Variants in CAMK1D observed in about 807,000 individuals in gnomAD.
CAMK1D encodes the protein calcium/calmodulin-dependent protein kinase type 1D.
In CAMK1D, 9 loss-of-function variants were observed where a neutral mutation model predicts 47.7. The ratio of observed to expected loss-of-function variants is 0.19; its 90% CI spans 0.11 to 0.33. The LOEUF (loss-of-function observed/expected upper bound fraction) is 0.33, where lower values mean the gene tolerates loss of function less well. Ranked by LOEUF, CAMK1D falls within the 10% of genes least tolerant of loss-of-function variation. CAMK1D has a pLI of 1.00. For missense variants in CAMK1D, 291 were observed against 488.7 expected, an observed-to-expected ratio of 0.60 and a Z score of 3.81; for synonymous variants, 184 against 184.9, an observed-to-expected ratio of 0.99 and a Z score of 0.04.
chr10:12,499,876 A>T (rs1834649071), intron 1 of CAMK1D, among the ~76,000 whole-genome samples: 1 of 152,166 alleles, frequency 6.6e-6, no homozygotes. Context: ...AGGAGAGGGA[A>T]TGACAGGAAG....
At chr10:12,434,940 G>A (rs187102332) in intron 1 of CAMK1D, among the ~76,000 whole-genome samples, 567 of 152,210 alleles carry the variant, frequency 3.7e-3, no homozygotes, top group Non-Finnish European at 5.5e-3. Context: ...AGGGAAGGCT[G>A]GGCGCAGTGG....
chr10:12,594,345 A>T (rs1320296398), intron 2 of CAMK1D, among the ~76,000 whole-genome samples: 1 of 152,352 alleles, frequency 6.6e-6, no homozygotes, highest in Non-Finnish European at 1.5e-5. Context: ...CTTTTATACA[A>T]AACAAGTTTG....
chr10:12,673,859 A>G (rs978995686), intron 3 of CAMK1D, among the ~76,000 whole-genome samples: 1 of 152,130 alleles, frequency 6.6e-6, no homozygotes, highest in Admixed American at 6.5e-5. Context: ...TGTAGCCTGT[A>G]TTATTTTTGG....
chr10:12,821,419 G>A (rs989576622), intron 8 of CAMK1D, among the ~76,000 whole-genome samples: 8 of 152,148 alleles, frequency 5.3e-5, no homozygotes, highest in Non-Finnish European at 7.3e-5. Context: ...CCAGAGCTCC[G>A]GTTGGCTGTA....
rs187704352 is a variant in CAMK1D, at chr10:12,798,925, C to G, written c.641+7692C>G. On this transcript the variant is annotated intron_variant, in intron 6 of 10. Transcript: ENST00000619168. ...TGCACAGCAGCAGCACTCAGCAGGA[C>G]AGGAGCAGGGCATAGATGGTGAAAA... 2.0e-4 allele frequency among the ~76,000 whole-genome samples: 31 copies of G among 152,262 alleles called. No homozygotes were observed. The Middle Eastern group carries it at 0.01, about 50-fold the overall frequency.
At chr10:12,800,265 A>T (rs1265152622) in intron 6 of CAMK1D, among the ~76,000 whole-genome samples, 1 of 152,252 alleles carries the variant, frequency 6.6e-6, no homozygotes, top group African/African-American at 2.4e-5. Context: ...AATCCAAATA[A>T]TATGCTAAAA....
At chr10:12,563,112 A>G (rs951439930) in intron 2 of CAMK1D, among the ~76,000 whole-genome samples, 1 of 152,368 alleles carries the variant, frequency 6.6e-6, no homozygotes, top group Non-Finnish European at 1.5e-5. Context: ...GACCCGGGAA[A>G]GCCAACTGGA....
intron 1 of CAMK1D, among the ~76,000 whole-genome samples, chr10:12,407,430 C>T (rs1588452036): frequency 6.6e-6 from 1 of 152,372 alleles, no homozygotes; most frequent in South Asian, 2.1e-4. Flanking sequence ...TGAAGCGTCT[C>T]TGGGAACGCC....
At chr10:12,723,353 G>C (rs1403733305) in intron 3 of CAMK1D, among the ~76,000 whole-genome samples, 1 of 152,120 alleles carries the variant, frequency 6.6e-6, no homozygotes, top group African/African-American at 2.4e-5. Flanking sequence ...AGGTTAGAAA[G>C]CTTCCCTGAC....
chr10:12,593,858 T>C (rs1247192805), intron 2 of CAMK1D, among the ~76,000 whole-genome samples: 1 of 152,144 alleles, frequency 6.6e-6, no homozygotes, highest in Non-Finnish European at 1.5e-5. Context: ...TTGTGCTGGA[T>C]TGGAAGTTGC....
At chr10:12,766,954 T>G (rs1295171095) in intron 4 of CAMK1D, among the ~76,000 whole-genome samples, 1 of 152,116 alleles carries the variant, frequency 6.6e-6, no homozygotes. Flanking sequence ...TTCTGAAAAT[T>G]TCTTCACTGC....
intron 2 of CAMK1D, among the ~76,000 whole-genome samples, chr10:12,575,388 G>A (rs2132325306): frequency 6.6e-6 from 1 of 152,266 alleles, no homozygotes; most frequent in South Asian, 2.1e-4. Flanking sequence ...ACCACACCCA[G>A]CCATCACTCC....
intron 3 of CAMK1D, among the ~76,000 whole-genome samples, chr10:12,710,168 G>T (rs575644602): frequency 6.6e-6 from 1 of 152,200 alleles, no homozygotes; most frequent in South Asian, 2.1e-4. Context: ...AAGTGTTACC[G>T]TTTGTAACTA....
At chr10:12,625,321 G>A (rs1364318244) in intron 2 of CAMK1D, among the ~76,000 whole-genome samples, 2 of 138,310 alleles carry the variant, frequency 1.4e-5, no homozygotes, top group African/African-American at 5.7e-5. Flanking sequence ...GGTGACAAGA[G>A]CGAAACTCCA....
chr10:12,460,386 G>A (rs892875102), intron 1 of CAMK1D, among the ~76,000 whole-genome samples: 2 of 151,550 alleles, frequency 1.3e-5, no homozygotes, highest in Admixed American at 6.6e-5. Flanking sequence ...TCAGTCTCCC[G>A]AGTAGTTGGG....
intron 1 of CAMK1D, among the ~76,000 whole-genome samples, chr10:12,483,938 C>T (rs4750226): frequency 0.044 from 6,661 of 152,056 alleles, 322 homozygotes; most frequent in Admixed American, 0.11. Flanking sequence ...TTACCCACTT[C>T]GGCCTCCCAA....
rs375723581 is a variant in CAMK1D at position 12,790,381 on chromosome 10, AC to A, written c.566-775del. ...CCAGGAGGGCCCAGGGAGGGGCTTCACCTTTGTGACCCCACAGCACCCAGAA... is the reference window on the plus strand; with the variant it reads ...CCAGGAGGGCCCAGGGAGGGGCTTCACTTTGTGACCCCACAGCACCCAGAA... On this transcript the variant is annotated intron_variant, in intron 5 of 10. Coordinates refer to ENST00000619168, the MANE Select transcript of CAMK1D (RefSeq NM_153498.4). Among the ~76,000 whole-genome samples, 60 of 152,286 alleles carry A rather than the reference AC, an allele frequency of 3.9e-4. 2 individuals are homozygous for A. The South Asian group carries it at 0.012, about 31-fold the overall frequency.
intron 1 of CAMK1D, among the ~76,000 whole-genome samples, chr10:12,423,031 G>T (rs562008610): frequency 6.6e-6 from 1 of 152,030 alleles, no homozygotes; most frequent in East Asian, 1.9e-4. Flanking sequence ...TTTTGGGGAG[G>T]GTTTGCTTTT....
intron 2 of CAMK1D, among the ~76,000 whole-genome samples, chr10:12,629,621 C>G (rs907926298): frequency 6.6e-6 from 1 of 152,228 alleles, no homozygotes; most frequent in Non-Finnish European, 1.5e-5. Flanking sequence ...TGTTCTCCAC[C>G]TGTGATTTTG....
Sources: gnomAD v4.1 joint callset for allele counts (sites outside exome capture counted in the v4.1 genomes callset) on GRCh38, gnomAD v4.1.1 for gene constraint, MANE v1.5 for transcripts, NCBI Gene and HGNC (gene_info 2026-07-23, HGNC 2026-07-21) for gene names.